Variants in WDPCP observed in about 807,000 individuals in gnomAD.
WDPCP encodes the protein WD repeat-containing and planar cell polarity effector protein fritz homolog.
A neutral mutation model predicts 93.1 loss-of-function variants in WDPCP; 71 were observed. The observed-to-expected ratio is 0.76, with a 90% CI of 0.63 to 0.93. The LOEUF (loss-of-function observed/expected upper bound fraction) is 0.93, where lower values mean the gene tolerates loss of function less well. WDPCP is among the 40% of genes least tolerant of loss of function. The probability of loss-of-function intolerance (pLI) is 0.00; values close to 1 mark genes in which losing one functional copy is unlikely to be tolerated. For synonymous variants in WDPCP, 315 were observed against 315.0 expected (o/e 1.00, Z 0.00); for missense variants, 844 against 887.4 (o/e 0.95, Z 0.62).
At chr2:63,150,619 T>C (rs1671824726) in intron 17 of WDPCP, among the ~76,000 whole-genome samples, 1 of 152,196 alleles carries the variant, frequency 6.6e-6, no homozygotes, top group African/African-American at 2.4e-5. Context: ...ATGAGGCTAA[T>C]AGTAGTATCC....
chr2:63,453,408 C>T (rs958706154), intron 6 of WDPCP, among the ~76,000 whole-genome samples: 4 of 152,162 alleles, frequency 2.6e-5, no homozygotes, highest in African/African-American at 9.7e-5. Flanking sequence ...GACCTCACAC[C>T]AGTTAGAATG....
intron 3 of WDPCP, among the ~76,000 whole-genome samples, chr2:63,632,046 C>A (rs1394892020): frequency 2.0e-5 from 3 of 152,188 alleles, no homozygotes; most frequent in Non-Finnish European, 1.5e-5. Context: ...ATGTTGAGGA[C>A]CCCTGCAATC....
intron 2 of WDPCP, among the ~76,000 whole-genome samples, chr2:63,679,184 T>C (rs1258645335): frequency 6.6e-6 from 1 of 152,222 alleles, no homozygotes. Context: ...TTTAATCAAA[T>C]ATATACTTGG....
At chr2:63,564,998 TG>T (rs1325323145) in intron 1 of WDPCP, among the ~76,000 whole-genome samples, 1 of 152,152 alleles carries the variant, frequency 6.6e-6, no homozygotes, top group African/African-American at 2.4e-5. Context: ...AGGATAGTCT[TG>T]ATCTCCTGAC....
intron 1 of WDPCP, among the ~76,000 whole-genome samples, chr2:63,495,189 G>A (rs1318682916): frequency 6.6e-6 from 1 of 152,022 alleles, no homozygotes; most frequent in Non-Finnish European, 1.5e-5. Context: ...GAAAGCTAGT[G>A]GAATGCATTA....
chr2:63,811,708 C>T (rs1319783328), intron 2 of WDPCP, among the ~76,000 whole-genome samples: 3 of 151,312 alleles, frequency 2.0e-5, no homozygotes, highest in Admixed American at 6.6e-5. Flanking sequence ...CCTTGTCACT[C>T]GGGTACTGAG....
intron 3 of WDPCP, among the ~76,000 whole-genome samples, chr2:63,598,800 T>C (rs1255): frequency 0.8 from 121,752 of 151,574 alleles, 49,551 homozygotes; most frequent in East Asian, 0.98. Flanking sequence ...GTAATTCCAC[T>C]TCTTCAAAGC....
At chr2:63,154,510 T>C (rs1424863815) in intron 15 of WDPCP, among the ~76,000 whole-genome samples, 1 of 152,186 alleles carries the variant, frequency 6.6e-6, no homozygotes, top group East Asian at 1.9e-4. Context: ...CTGAGCAGTA[T>C]TCCATTACAG....
chr2:63,703,046 T>C (rs1669086585), intron 2 of WDPCP, among the ~76,000 whole-genome samples: 1 of 152,200 alleles, frequency 6.6e-6, no homozygotes, highest in Non-Finnish European at 1.5e-5. Context: ...ACAAAGGACA[T>C]GAACTCATCA....
Position 63,439,714 on chromosome 2 carries a change from C to T in WDPCP, c.499+43G>A, listed in dbSNP as rs754917191. ...TGTTGACACACTATTTCTCCTGCCC[C>T]ACTGTTAATGTAGGCAATTGATTTG... On this transcript the variant is annotated intron_variant, in intron 7 of 17. Transcript: ENST00000272321. 4.5e-6 allele frequency: 7 copies of T among 1,542,910 alleles called. No individual in the cohort carries two copies. In the Admixed American group the frequency reaches 1.0e-4, roughly 22 times the overall value.
At chr2:63,274,207 G>A (rs1178553921) in intron 13 of WDPCP, among the ~76,000 whole-genome samples, 1 of 152,030 alleles carries the variant, frequency 6.6e-6, no homozygotes, top group Admixed American at 6.6e-5. Flanking sequence ...TATGGAAAAT[G>A]TACAAATACA....
intron 2 of WDPCP, among the ~76,000 whole-genome samples, chr2:63,756,382 C>T (rs1307593185): frequency 6.6e-6 from 1 of 152,134 alleles, no homozygotes; most frequent in Non-Finnish European, 1.5e-5. Context: ...CAGGGTCCAT[C>T]AGTTCTTTGT....
At chr2:63,284,093 CA>C (rs1429471095) in intron 13 of WDPCP, among the ~76,000 whole-genome samples, 3 of 150,938 alleles carry the variant, frequency 2.0e-5, no homozygotes, top group Admixed American at 6.6e-5. Flanking sequence ...TTTTTTTTTA[CA>C]TTAAAAACTA....
intron 1 of WDPCP, among the ~76,000 whole-genome samples, chr2:63,514,520 G>C (rs1021207780): frequency 6.6e-6 from 1 of 152,100 alleles, no homozygotes; most frequent in Admixed American, 6.6e-5. Context: ...GTGCAACCAG[G>C]AATTTTTCCA....
At chr2:63,415,417 A>T (rs1695346378) in intron 9 of WDPCP, among the ~76,000 whole-genome samples, 1 of 152,184 alleles carries the variant, frequency 6.6e-6, no homozygotes, top group Non-Finnish European at 1.5e-5. Flanking sequence ...GAGTAACCTC[A>T]CCAATAATAA....
At chr2:63,437,938 C>A in intron 7 of WDPCP, 4 of 1,540,638 alleles carry the variant, frequency 2.6e-6, no homozygotes, top group South Asian at 2.5e-5. Flanking sequence ...AGAAACCATC[C>A]GAGGATAAAG....
chr2:63,725,747 G>A (rs60414642), intron 2 of WDPCP, among the ~76,000 whole-genome samples: 14,022 of 152,110 alleles, frequency 0.092, 1,031 homozygotes, highest in African/African-American at 0.21. Context: ...ATTCTGACTG[G>A]TATGAGATGG....
chr2:63,629,525 A>T (rs1024236528), intron 3 of WDPCP, among the ~76,000 whole-genome samples: 3 of 152,232 alleles, frequency 2.0e-5, no homozygotes, highest in South Asian at 4.1e-4. Context: ...GTGGTATCAG[A>T]GGAGAGCTAG....
intron 8 of WDPCP, 25 bp downstream of exon 8, chr2:63,437,396 T>C: frequency 6.5e-7 from 1 of 1,548,730 alleles, no homozygotes; most frequent in Non-Finnish European, 8.8e-7. Context: ...ATTAATAATA[T>C]GACTATATAA....
Sources: gnomAD v4.1 joint callset for allele counts (sites outside exome capture counted in the v4.1 genomes callset) on GRCh38, gnomAD v4.1.1 for gene constraint, MANE v1.5 for transcripts, NCBI Gene and HGNC (gene_info 2026-07-23, HGNC 2026-07-21) for gene names.